COL4A4: variants seen among roughly 807,000 people sequenced by gnomAD.
The protein encoded by COL4A4 is collagen alpha-4(IV) chain.
A neutral mutation model predicts 192.9 loss-of-function variants in COL4A4; 105 were observed. The observed-to-expected ratio is 0.54, with a 90% CI of 0.46 to 0.64. COL4A4 has a LOEUF of 0.64. COL4A4 is among the 30% of genes least tolerant of loss of function. The pLI, the probability that COL4A4 is intolerant of heterozygous loss-of-function variation, is 0.00. For synonymous variants in COL4A4, 762 were observed against 769.9 expected (o/e 0.99, Z 0.17); for missense variants, 1,967 against 2,169.3 (o/e 0.91, Z 1.85).
intron 46 of COL4A4, among the ~76,000 whole-genome samples, chr2:227,009,551 A>G (rs1247136147): frequency 1.3e-5 from 2 of 152,104 alleles, no homozygotes; most frequent in Non-Finnish European, 2.9e-5. Context: ...TACAAAAATT[A>G]TCCAGGCATG....
the COL4A4 span, among the ~76,000 whole-genome samples, chr2:226,976,723 G>A: frequency 6.6e-6 from 1 of 152,168 alleles, no homozygotes; most frequent in Non-Finnish European, 1.5e-5. Context: ...GCCTGGGTGT[G>A]GCTTCTAAGT....
intron 22 of COL4A4, among the ~76,000 whole-genome samples, chr2:227,082,923 A>G (rs1315279576): frequency 2.6e-5 from 4 of 152,186 alleles, no homozygotes; most frequent in African/African-American, 9.7e-5. Context: ...TGAATATCAA[A>G]CCATGTCAAA....
intron 44 of COL4A4, among the ~76,000 whole-genome samples, chr2:227,014,066 T>A (rs550063821): frequency 2.6e-4 from 40 of 152,202 alleles, no homozygotes; most frequent in Non-Finnish European, 5.4e-4. Context: ...CCTGCCCCTC[T>A]GCGGCCCCAG....
the COL4A4 span, among the ~76,000 whole-genome samples, chr2:226,970,579 G>T: frequency 6.6e-6 from 1 of 152,180 alleles, no homozygotes; most frequent in African/African-American, 2.4e-5. Context: ...CTTCTCAGGG[G>T]CTGCTCAGGC....
chr2:227,099,455 G>GA (rs1271911164), intron 18 of COL4A4, among the ~76,000 whole-genome samples, 165 bp downstream of exon 18: 8 of 152,144 alleles, frequency 5.3e-5, no homozygotes, highest in Non-Finnish European at 1.0e-4. Flanking sequence ...TATATGTACT[G>GA]AAAAAAACCT....
intron 3 of COL4A4, among the ~76,000 whole-genome samples, chr2:227,143,359 A>T (rs1051786625): frequency 2.6e-5 from 4 of 152,224 alleles, no homozygotes; most frequent in African/African-American, 9.7e-5. Flanking sequence ...AAAAAGACAC[A>T]TTCCTGTGTC....
At chr2:227,161,297 C>T (rs1047572610) in intron 1 of COL4A4, among the ~76,000 whole-genome samples, 3 of 152,150 alleles carry the variant, frequency 2.0e-5, no homozygotes, top group Admixed American at 6.5e-5. Flanking sequence ...GTGTAGAAAA[C>T]GGACATGATA....
chr2:227,040,618 C>T lies in COL4A4; in HGVS notation c.3505+1530G>A, dbSNP rs188944468. Reference sequence around the variant, plus strand: ...TCTTACTCTGTTGCCTAGGCTGGAGCGCAGTGGCACGATATTGGCTCACTG... The same window carrying T: ...TCTTACTCTGTTGCCTAGGCTGGAGTGCAGTGGCACGATATTGGCTCACTG... On this transcript the variant is annotated intron_variant, in intron 37 of 47. Transcript: ENST00000396625. Among the ~76,000 whole-genome samples the T allele has an allele frequency of 4.7e-3, 700 of 149,148 alleles. 9 individuals carry two copies. Among genetic ancestry groups the T allele is most frequent in the African/African-American group, 0.016 (644 of 40,468 alleles).
intron 12 of COL4A4, among the ~76,000 whole-genome samples, chr2:227,107,756 C>CT (rs71036157): frequency 0.034 from 3,711 of 109,146 alleles, 83 homozygotes; most frequent in African/African-American, 0.041. Flanking sequence ...AATCACTTTT[C>CT]TTTTTTTTTT....
Position 227,118,756 on chromosome 2 carries a change from G to A in COL4A4, c.378C>T (p.His126=), listed in dbSNP as rs2061619465. The change falls in exon 7 of 48, where the codon CAC becomes CAT. Residue 126 remains histidine, a synonymous_variant. Transcript: ENST00000396625. ...TGCCTCTGGGTCCAGGAGGCCCTGG[G>A]TGCCCCTGCAGAAAACAAAATTATA... is the stretch of plus-strand genomic sequence containing the variant. ...GFPGLDGIPG[H]PGPPGPRGKP... 3 of 1,612,262 alleles carry A rather than the reference G, an allele frequency of 1.9e-6. No homozygotes were observed. The highest frequency in any genetic ancestry group is 2.5e-6 in the Non-Finnish European group (3 of 1,179,150).
At chr2:227,026,772 T>C (rs752283995) in intron 42 of COL4A4, among the ~76,000 whole-genome samples, 4 of 152,170 alleles carry the variant, frequency 2.6e-5, no homozygotes. Flanking sequence ...GTGTTGCCTA[T>C]AGAGTTAAAC....
intron 29 of COL4A4, among the ~76,000 whole-genome samples, chr2:227,057,238 A>T (rs1012962449): frequency 6.6e-6 from 1 of 152,208 alleles, no homozygotes; most frequent in Non-Finnish European, 1.5e-5. Context: ...TGTGTGGCCA[A>T]CTAGCCCACT....
intron 4 of COL4A4, among the ~76,000 whole-genome samples, chr2:227,136,960 AC>A (rs1454062385): frequency 6.7e-6 from 1 of 149,086 alleles, no homozygotes; most frequent in Non-Finnish European, 1.5e-5. Context: ...TGACAGTGCT[AC>A]TTTCCCAAAC....
chr2:227,101,057 C>G (rs1310166645), intron 17 of COL4A4, among the ~76,000 whole-genome samples: 1 of 152,170 alleles, frequency 6.6e-6, no homozygotes, highest in Non-Finnish European at 1.5e-5. Flanking sequence ...ATCTGCCCGC[C>G]TCGGCCTCCC....
chr2:227,010,992 T>G (rs138554474), intron 45 of COL4A4, among the ~76,000 whole-genome samples: 1 of 152,280 alleles, frequency 6.6e-6, no homozygotes, highest in East Asian at 1.9e-4. Context: ...ATCAGTTCCA[T>G]TCTGAGAAAG....
At chr2:227,072,864 T>A (rs2058802028) in intron 25 of COL4A4, among the ~76,000 whole-genome samples, 1 of 151,714 alleles carries the variant, frequency 6.6e-6, no homozygotes, top group African/African-American at 2.4e-5. Context: ...TGACAAAAAA[T>A]CTCAACAAAC....
intron 43 of COL4A4, among the ~76,000 whole-genome samples, chr2:227,024,930 T>C (rs1427606232): frequency 6.6e-6 from 1 of 152,200 alleles, no homozygotes; most frequent in Non-Finnish European, 1.5e-5. Flanking sequence ...ATTTTGATGC[T>C]CTCTTGAAAT....
At position 227,049,556 on chromosome 2, in the gene COL4A4, T is replaced by TA. The variant is rs773028508; in HGVS notation, c.3214+511dup. 6.1e-3 allele frequency among the ~76,000 whole-genome samples: 923 copies of TA among 152,038 alleles called. 10 individuals are homozygous for TA. Among genetic ancestry groups the TA allele is most frequent in the African/African-American group, 0.021 (863 of 41,454 alleles). On this transcript the variant is annotated intron_variant, in intron 34 of 47. Transcript: ENST00000396625. Reference sequence around the variant, plus strand: ...TGCTATAGTAAAAAAATAATAATAATAATAAAAAACCCAATTGTAAATTAC... The same window carrying TA: ...TGCTATAGTAAAAAAATAATAATAATAAATAAAAAACCCAATTGTAAATTAC...
At chr2:226,976,865 G>C in the COL4A4 span, among the ~76,000 whole-genome samples, 1 of 152,224 alleles carries the variant, frequency 6.6e-6, no homozygotes, top group South Asian at 2.1e-4. Flanking sequence ...TTCCCCACTT[G>C]GTGGCATTTT....
Sources: allele counts gnomAD v4.1 joint callset (sites outside exome capture counted in the v4.1 genomes callset), GRCh38; gene constraint gnomAD v4.1.1; transcripts MANE v1.5; gene names NCBI Gene and HGNC (gene_info 2026-07-23, HGNC 2026-07-21).